The following DMXL1 variants were observed in gnomAD, a reference collection of about 807,000 sequenced individuals.
DMXL1 encodes the protein dmX-like protein 1.
A neutral mutation model predicts 319.2 loss-of-function variants in DMXL1; 99 were observed. The observed-to-expected ratio is 0.31, with a 90% CI of 0.26 to 0.37. The LOEUF is 0.37. Among genes scored for constraint, DMXL1 ranks in the 10% least tolerant of loss-of-function variants. The pLI is 1.00. For missense variants in DMXL1, 3,745 were observed against 3,595.6 expected (o/e 1.04, Z -1.06); for synonymous variants, 1,385 against 1,235.2 (o/e 1.12, Z -2.54).
At chr5:119,236,789 T>C (rs1561940761) in intron 39 of DMXL1, 1 of 152,018 alleles carries the variant, frequency 6.6e-6, no homozygotes, top group Non-Finnish European at 1.5e-5. Context: ...TTACTCATCC[T>C]TCAAGATCTG....
chr5:119,132,563 C>A (rs914818599), intron 10 of DMXL1: 8 of 267,954 alleles, frequency 3.0e-5, no homozygotes, highest in Non-Finnish European at 6.0e-5. Flanking sequence ...ACCTGTAATC[C>A]CAGCTACTTG....
chr5:119,108,062 T>C (rs186858689), intron 4 of DMXL1, among the ~76,000 whole-genome samples: 3 of 152,276 alleles, frequency 2.0e-5, no homozygotes, highest in Non-Finnish European at 4.4e-5. Flanking sequence ...CCACTTTCCT[T>C]TTGAAACAAG....
rs1342034310 is a variant in DMXL1, at chr5:119,237,082, C to T, written c.8467-240C>T. The T allele has an allele frequency of 8.3e-5, 21 of 251,714 alleles. No individual in the cohort carries two copies. The East Asian group carries it at 1.6e-3, about 20-fold the overall frequency. 15.6% of individuals were successfully genotyped at this position (251,714 alleles called of 1,614,324 possible). A position where few individuals can be genotyped will look rare whatever the true frequency, so the allele number is the denominator to read the frequency against. ...ACTTACAGAGAATATATAGACTATG[C>T]TAGAGGCTACTGTAATAAAATGGGT... On this transcript the variant is annotated intron_variant, in intron 39 of 43. Coordinates refer to ENST00000539542, the MANE Select transcript of DMXL1 (RefSeq NM_001290321.3).
intron 23 of DMXL1, 140 bp from the exon 24 acceptor site, chr5:119,170,050 A>G (rs1297169929): frequency 4.3e-6 from 3 of 702,878 alleles, no homozygotes; most frequent in Non-Finnish European, 6.8e-6. Flanking sequence ...CTTCAGTGCC[A>G]TGGATCATTG....
intron 3 of DMXL1, among the ~76,000 whole-genome samples, chr5:119,103,615 T>C (rs1190065607): frequency 6.6e-6 from 1 of 152,180 alleles, no homozygotes; most frequent in African/African-American, 2.4e-5. Flanking sequence ...TTCATAGAAA[T>C]AGTGTTCACA....
At chr5:119,220,671 A>G in intron 36 of DMXL1, 78 bp downstream of exon 36, 1 of 1,526,550 alleles carries the variant, frequency 6.6e-7, no homozygotes, top group Admixed American at 1.9e-5. Context: ...CTTTCAAAAG[A>G]TTCTTTAAAG....
At chr5:119,242,378 C>T (rs975044175) in intron 42 of DMXL1, among the ~76,000 whole-genome samples, 3 of 152,058 alleles carry the variant, frequency 2.0e-5, no homozygotes, top group African/African-American at 7.2e-5. Flanking sequence ...TACAATAGCA[C>T]CCAAAACAAT....
chr5:119,110,700 A>T (rs538653017), intron 5 of DMXL1, among the ~76,000 whole-genome samples: 1 of 152,234 alleles, frequency 6.6e-6, no homozygotes, highest in Non-Finnish European at 1.5e-5. Context: ...AAAAGGACAA[A>T]TATGGGAAAG....
intron 38 of DMXL1, among the ~76,000 whole-genome samples, chr5:119,231,760 A>G (rs1786776454): frequency 6.6e-6 from 1 of 152,222 alleles, no homozygotes; most frequent in South Asian, 2.1e-4. Flanking sequence ...CAAAGACAGT[A>G]TTTGATTGGT....
chr5:119,135,781 A>G (rs1219310979), intron 13 of DMXL1, among the ~76,000 whole-genome samples: 1 of 152,202 alleles, frequency 6.6e-6, no homozygotes, highest in Admixed American at 6.5e-5. Flanking sequence ...GTAAGTCCTG[A>G]GGCCTCCTGA....
At chr5:119,169,560 G>T (rs1183768582) in intron 23 of DMXL1, among the ~76,000 whole-genome samples, 1 of 152,132 alleles carries the variant, frequency 6.6e-6, no homozygotes, top group African/African-American at 2.4e-5. Context: ...GAGTTAATCA[G>T]TATAGATATA....
intron 15 of DMXL1, among the ~76,000 whole-genome samples, chr5:119,145,315 T>C (rs1251392244): frequency 2.0e-5 from 3 of 151,756 alleles, no homozygotes. Flanking sequence ...TTCTGCCACC[T>C]TTTCCATTTT....
chr5:119,088,275 T>C (rs1266774932), intron 1 of DMXL1, among the ~76,000 whole-genome samples: 1 of 152,242 alleles, frequency 6.6e-6, no homozygotes, highest in Non-Finnish European at 1.5e-5. Context: ...AGTCAAGCTA[T>C]TTTTTGGTTT....
At chr5:119,210,757 G>GTTTTTTTTTTTTTTTTT in intron 34 of DMXL1, among the ~76,000 whole-genome samples, 2 of 89,778 alleles carry the variant, frequency 2.2e-5, no homozygotes, top group African/African-American at 4.1e-5. Context: ...TTTTTCTTTC[G>GTTTTTTTTTTTTTTTTT]TTTTTTTTTT....
At chr5:119,077,861 G>A (rs948087473) in intron 1 of DMXL1, among the ~76,000 whole-genome samples, 3 of 102,098 alleles carry the variant, frequency 2.9e-5, no homozygotes, top group African/African-American at 4.8e-5. Flanking sequence ...GTATATATAC[G>A]TGTGTGTGTG....
chr5:119,106,402 A>G (rs961581662), intron 4 of DMXL1, among the ~76,000 whole-genome samples: 3 of 152,204 alleles, frequency 2.0e-5, no homozygotes, highest in African/African-American at 7.2e-5. Context: ...ACACAGAGAG[A>G]CATAATTTAT....
At chr5:119,171,466 C>T (rs949819081) in intron 24 of DMXL1, among the ~76,000 whole-genome samples, 186 bp downstream of exon 24, 1 of 152,088 alleles carries the variant, frequency 6.6e-6, no homozygotes. Context: ...ACAGACGATT[C>T]AGTATCAGGC....
intron 38 of DMXL1, among the ~76,000 whole-genome samples, chr5:119,229,527 C>A (rs187739948): frequency 5.3e-5 from 8 of 152,228 alleles, no homozygotes; most frequent in Non-Finnish European, 8.8e-5. Context: ...GTATAGCATT[C>A]TCGTATCCAT....
chr5:119,115,109 A>T (rs1760543490), intron 6 of DMXL1, among the ~76,000 whole-genome samples: 2 of 152,208 alleles, frequency 1.3e-5, no homozygotes. Flanking sequence ...GGGCAAGTTA[A>T]TCTTATTGAG....
Sources: gnomAD v4.1 joint callset for allele counts (sites outside exome capture counted in the v4.1 genomes callset) on GRCh38, gnomAD v4.1.1 for gene constraint, MANE v1.5 for transcripts, NCBI Gene and HGNC (gene_info 2026-07-23, HGNC 2026-07-21) for gene names.